SUPT3H: variants seen among roughly 807,000 people sequenced by gnomAD.
The protein encoded by SUPT3H is SPT3 homolog, SAGA and STAGA complex component.
A neutral mutation model predicts 44.3 loss-of-function variants in SUPT3H; 44 were observed. That is an observed-to-expected ratio of 0.99 (90% CI 0.78 to 1.28). SUPT3H has a LOEUF of 1.28. Among genes scored for constraint, SUPT3H ranks in the 50% most tolerant of loss-of-function variants. The pLI is 0.00. For synonymous variants in SUPT3H, 124 were observed against 125.6 expected, an observed-to-expected ratio of 0.99 and a Z score of 0.09; for missense variants, 380 against 387.1, an observed-to-expected ratio of 0.98 and a Z score of 0.15.
chr6:45,046,127 T>C (rs907016674), intron 3 of SUPT3H, among the ~76,000 whole-genome samples: 3 of 152,176 alleles, frequency 2.0e-5, no homozygotes, highest in Non-Finnish European at 4.4e-5. Context: ...GAAGAAAGGA[T>C]TGAGATTGTT....
At chr6:45,065,624 G>A (rs990236497) in intron 3 of SUPT3H, among the ~76,000 whole-genome samples, 2 of 150,462 alleles carry the variant, frequency 1.3e-5, no homozygotes, top group Non-Finnish European at 3.0e-5. Flanking sequence ...ATGATAAAGG[G>A]GATATCACCA....
intron 11 of SUPT3H, among the ~76,000 whole-genome samples, chr6:44,821,160 T>G (rs1308237219): frequency 6.6e-6 from 1 of 152,166 alleles, no homozygotes; most frequent in Non-Finnish European, 1.5e-5. Context: ...TCTGAGAAAG[T>G]AACATGATAT....
intron 10 of SUPT3H, among the ~76,000 whole-genome samples, chr6:44,916,972 A>AAAACAAAC (rs111992171): frequency 0.027 from 4,074 of 150,924 alleles, 207 homozygotes; most frequent in African/African-American, 0.094. Context: ...GTCTCTACAA[A>AAAACAAAC]AAACAAACAA....
intron 3 of SUPT3H, among the ~76,000 whole-genome samples, chr6:45,094,114 T>C (rs770664811): frequency 5.3e-5 from 8 of 152,074 alleles, no homozygotes; most frequent in African/African-American, 1.2e-4. Context: ...TATAAAAAGT[T>C]TGCATCTCTC....
chr6:45,148,345 T>C (rs970346861), intron 2 of SUPT3H, among the ~76,000 whole-genome samples: 5 of 152,172 alleles, frequency 3.3e-5, no homozygotes, highest in African/African-American at 7.2e-5. Context: ...AGTTAAGTAA[T>C]GTGCAAAGCT....
intron 10 of SUPT3H, among the ~76,000 whole-genome samples, chr6:44,865,026 TA>T (rs1775288613): frequency 1.3e-5 from 2 of 152,242 alleles, no homozygotes; most frequent in Admixed American, 6.5e-5. Flanking sequence ...CTTTGCAGGT[TA>T]GAAATTTCTT....
At chr6:45,215,107 T>G (rs1209225212) in intron 2 of SUPT3H, among the ~76,000 whole-genome samples, 2 of 152,062 alleles carry the variant, frequency 1.3e-5, no homozygotes, top group Non-Finnish European at 2.9e-5. Context: ...TCACTGGAAA[T>G]TCATACTACC....
chr6:45,229,426 G>T (rs537112773), intron 2 of SUPT3H, among the ~76,000 whole-genome samples: 1 of 152,086 alleles, frequency 6.6e-6, no homozygotes, highest in Admixed American at 6.5e-5. Flanking sequence ...ATAGGAGTAT[G>T]AGCCATGTAT....
intron 2 of SUPT3H, among the ~76,000 whole-genome samples, chr6:45,332,486 A>G (rs1787715145): frequency 6.6e-6 from 1 of 151,842 alleles, no homozygotes; most frequent in African/African-American, 2.4e-5. Flanking sequence ...ACAGGGTAAC[A>G]TCTCAAATCC....
intron 5 of SUPT3H, among the ~76,000 whole-genome samples, chr6:45,008,003 A>G (rs980637987): frequency 6.6e-6 from 1 of 152,138 alleles, no homozygotes; most frequent in African/African-American, 2.4e-5. Context: ...GTTTTAGCAT[A>G]TATCAGTATT....
chr6:45,154,072 G>GAAAAAAAAAAAAAAA (rs796547480), intron 2 of SUPT3H, among the ~76,000 whole-genome samples: 25 of 17,986 alleles, frequency 1.4e-3, no homozygotes, highest in Non-Finnish European at 7.9e-3. Flanking sequence ...TCTGTCTCAA[G>GAAAAAAAAAAAAAAA]AAAAAAAAAA....
At chr6:45,172,023 A>G (rs1810881004) in intron 2 of SUPT3H, among the ~76,000 whole-genome samples, 1 of 148,886 alleles carries the variant, frequency 6.7e-6, no homozygotes, top group Non-Finnish European at 1.5e-5. Context: ...GCCTCCACTC[A>G]CTTTTTAAAA....
chr6:45,012,944 A>G (rs1420233702), intron 5 of SUPT3H, among the ~76,000 whole-genome samples: 1 of 152,082 alleles, frequency 6.6e-6, no homozygotes, highest in Non-Finnish European at 1.5e-5. Flanking sequence ...CTCCATAACC[A>G]GAGATGACTG....
chr6:45,172,270 A>G (rs1263194714), intron 2 of SUPT3H, among the ~76,000 whole-genome samples: 1 of 151,054 alleles, frequency 6.6e-6, no homozygotes, highest in Non-Finnish European at 1.5e-5. Context: ...ATGGGGTTTC[A>G]CCATGTTGGC....
intron 6 of SUPT3H, among the ~76,000 whole-genome samples, chr6:45,001,938 GT>G (rs2153505108): frequency 6.6e-6 from 1 of 152,098 alleles, no homozygotes; most frequent in East Asian, 1.9e-4. Context: ...CTACAGTTAA[GT>G]TATGTCTACA....
chr6:45,147,562 A>G (rs1334134689), intron 2 of SUPT3H, among the ~76,000 whole-genome samples: 1 of 152,052 alleles, frequency 6.6e-6, no homozygotes, highest in Non-Finnish European at 1.5e-5. Flanking sequence ...ATATAAAGGA[A>G]GGGTATAAGG....
chr6:45,093,274 G>C (rs1037023967), intron 3 of SUPT3H, among the ~76,000 whole-genome samples: 3 of 151,898 alleles, frequency 2.0e-5, no homozygotes, highest in Non-Finnish European at 4.4e-5. Context: ...TTAAAATTTT[G>C]TAAGTTAAAA....
chr6:45,197,447 T>A (rs929159788), intron 2 of SUPT3H, among the ~76,000 whole-genome samples: 1 of 151,500 alleles, frequency 6.6e-6, no homozygotes, highest in South Asian at 2.1e-4. Flanking sequence ...TGTTACTAAG[T>A]GCATTTAACC....
intron 5 of SUPT3H, among the ~76,000 whole-genome samples, chr6:45,012,953 T>C (rs1295343087): frequency 1.3e-5 from 2 of 152,110 alleles, no homozygotes; most frequent in Admixed American, 1.3e-4. Context: ...CAGAGATGAC[T>C]GTAGTTTTAG....
Sources: gnomAD v4.1 joint callset for allele counts (sites outside exome capture counted in the v4.1 genomes callset) on GRCh38, gnomAD v4.1.1 for gene constraint, MANE v1.5 for transcripts, NCBI Gene and HGNC (gene_info 2026-07-23, HGNC 2026-07-21) for gene names.